The following REPS1 variants were observed in gnomAD, a reference collection of about 807,000 sequenced individuals.
REPS1 encodes RALBP1 associated Eps domain containing 1.
A neutral mutation model predicts 100.9 loss-of-function variants in REPS1; 39 were observed. The observed-to-expected ratio is 0.39, with a 90% CI of 0.30 to 0.50. REPS1 has a LOEUF of 0.50. Ranked by LOEUF, REPS1 falls within the 20% of genes least tolerant of loss-of-function variation. The pLI is 0.86. For synonymous variants in REPS1, 324 were observed against 340.3 expected, an observed-to-expected ratio of 0.95 and a Z score of 0.53; for missense variants, 821 against 968.5, an observed-to-expected ratio of 0.85 and a Z score of 2.02.
At chr6:138,956,014 T>G (rs575714802) in intron 1 of REPS1, among the ~76,000 whole-genome samples, 1 of 152,192 alleles carries the variant, frequency 6.6e-6, no homozygotes, top group African/African-American at 2.4e-5. Flanking sequence ...TAAGTTATTT[T>G]TGAAAACCAC....
rs762516537 is a variant in REPS1 at position 138,907,619 on chromosome 6, CA to C, written c.2217-20del. The C allele has an allele frequency of 5.6e-6, 8 of 1,423,424 alleles. No homozygotes were observed. The highest frequency in any genetic ancestry group is 1.7e-5 in the Admixed American group (1 of 57,510). The allele number at this position is 1,423,424 out of a possible 1,614,324, so 88.2% of individuals were successfully genotyped here. ...AACAGATCTGAGAAGATAAAGAAGG[CA>C]AAAAAACCCATAACCTTCATTTCTT... is the stretch of plus-strand genomic sequence containing the variant. On this transcript the variant is annotated intron_variant, in intron 18 of 19. Transcript: ENST00000450536.
In REPS1 at chr6:138,912,790, G is replaced by A; in HGVS notation, c.1946C>T (p.Ala649Val). ...CGGCAGGACTTCTGGATGTTTCTCGGCTTCATCATCTTGTTCGTCGTTTAC... is the reference window on the plus strand; with the variant it reads ...CGGCAGGACTTCTGGATGTTTCTCGACTTCATCATCTTGTTCGTCGTTTAC... ...SNVNDEQDDEAEKHPEVLPAE... is the reference protein window; with the variant it reads ...SNVNDEQDDEVEKHPEVLPAE... Residue 649 changes from alanine to valine, a missense_variant, in exon 16 of 20, where the codon GCC becomes GTC. Transcript: ENST00000450536. The A allele has an allele frequency of 6.2e-7, 1 of 1,614,146 alleles. No individual in the cohort carries two copies. The highest frequency in any genetic ancestry group is 2.2e-5 in the East Asian group (1 of 44,876).
At chr6:138,972,572 A>G (rs1582851526) in intron 1 of REPS1, among the ~76,000 whole-genome samples, 1 of 152,048 alleles carries the variant, frequency 6.6e-6, no homozygotes, top group Admixed American at 6.6e-5. Context: ...TTTAGACTAC[A>G]TGCTTGTCTA....
chr6:138,976,305 A>T (rs1784601326), intron 1 of REPS1, among the ~76,000 whole-genome samples: 1 of 151,700 alleles, frequency 6.6e-6, no homozygotes, highest in Non-Finnish European at 1.5e-5. Flanking sequence ...ACTTCATGCA[A>T]TTTTTTTTTC....
At chr6:138,921,976 A>AGTGTGTGTGTGTGTGTGTGTGTGT (rs71895504) in intron 10 of REPS1, among the ~76,000 whole-genome samples, 77 of 148,608 alleles carry the variant, frequency 5.2e-4, no homozygotes, top group South Asian at 1.5e-3. Flanking sequence ...CATCTCAAAA[A>AGTGTGTGTGTGTGTGTGTGTGTGT]GTGTGTGTGT....
intron 8 of REPS1, among the ~76,000 whole-genome samples, chr6:138,939,115 G>T (rs1782058418): frequency 6.6e-6 from 1 of 152,134 alleles, no homozygotes. Flanking sequence ...TCAGGTTTAT[G>T]ATAGGTGGAA....
intron 1 of REPS1, among the ~76,000 whole-genome samples, chr6:138,970,310 A>G (rs1393914840): frequency 3.3e-5 from 5 of 152,162 alleles, no homozygotes; most frequent in Non-Finnish European, 7.3e-5. Context: ...TAGGAAGACA[A>G]TCAGGACGTT....
At chr6:138,908,242 C>T (rs1779789555) in intron 18 of REPS1, among the ~76,000 whole-genome samples, 1 of 152,142 alleles carries the variant, frequency 6.6e-6, no homozygotes, top group Non-Finnish European at 1.5e-5. Context: ...CATGAGGAGG[C>T]TCTGCTCAAT....
intron 1 of REPS1, among the ~76,000 whole-genome samples, chr6:138,965,252 T>C (rs1004104398): frequency 4.0e-5 from 6 of 151,682 alleles, no homozygotes; most frequent in African/African-American, 1.2e-4. Context: ...ATGTGAAAAA[T>C]AGTATGACTA....
At chr6:138,956,110 C>T (rs1004771042) in intron 1 of REPS1, among the ~76,000 whole-genome samples, 8 of 152,054 alleles carry the variant, frequency 5.3e-5, no homozygotes, top group African/African-American at 1.7e-4. Context: ...AAATATAGGA[C>T]GCTCTCATGT....
chr6:138,920,483 T>C (rs917217313), intron 11 of REPS1, among the ~76,000 whole-genome samples, 167 bp from the exon 12 acceptor site: 1 of 151,850 alleles, frequency 6.6e-6, no homozygotes, highest in Non-Finnish European at 1.5e-5. Context: ...TAAAACTGTT[T>C]ATTTATAATT....
chr6:138,941,593 T>C (rs1582787171), intron 7 of REPS1, 104 bp from the exon 8 acceptor site: 2 of 1,078,116 alleles, frequency 1.9e-6, no homozygotes, highest in South Asian at 3.0e-5. Flanking sequence ...GTGCAAGAAC[T>C]CAGTAATTAT....
chr6:138,977,767 G>C (rs770119322), intron 1 of REPS1, among the ~76,000 whole-genome samples: 30 of 152,178 alleles, frequency 2.0e-4, no homozygotes, highest in Non-Finnish European at 3.5e-4. Flanking sequence ...AGATTCCTAA[G>C]AGTGGAACTG....
chr6:138,972,297 T>C (rs111676410), intron 1 of REPS1, among the ~76,000 whole-genome samples: 6 of 152,036 alleles, frequency 3.9e-5, no homozygotes, highest in African/African-American at 9.6e-5. Flanking sequence ...TAAAAAAGAA[T>C]AGATAAAGAA....
chr6:138,937,723 T>C (rs544729127), intron 8 of REPS1, among the ~76,000 whole-genome samples: 2 of 152,280 alleles, frequency 1.3e-5, no homozygotes, highest in African/African-American at 2.4e-5. Context: ...GGTGTAAAGG[T>C]AGAAAACAGT....
intron 1 of REPS1, among the ~76,000 whole-genome samples, chr6:138,963,111 ATAAC>A (rs201058490): frequency 0.089 from 11,463 of 128,996 alleles, 868 homozygotes; most frequent in African/African-American, 0.25. Flanking sequence ...CTATCTCGAA[ATAAC>A]TAACTAACTA....
chr6:138,982,068 AG>A (rs1784987116), intron 1 of REPS1, among the ~76,000 whole-genome samples: 1 of 152,230 alleles, frequency 6.6e-6, no homozygotes, highest in Non-Finnish European at 1.5e-5. Context: ...GATTATGGCA[AG>A]ATTATTTCTG....
intron 1 of REPS1, among the ~76,000 whole-genome samples, chr6:138,950,485 C>A (rs371372919): frequency 6.6e-6 from 1 of 150,728 alleles, no homozygotes; most frequent in Non-Finnish European, 1.5e-5. Flanking sequence ...TGTCTCCCCC[C>A]GCAAAAAAAA....
intron 11 of REPS1, among the ~76,000 whole-genome samples, 190 bp from the exon 12 acceptor site, chr6:138,920,506 A>G (rs1780685878): frequency 6.6e-6 from 1 of 152,254 alleles, no homozygotes; most frequent in Non-Finnish European, 1.5e-5. Context: ...ATTTTCTGCC[A>G]TAATAGAAGA....
Sources: gnomAD v4.1 joint callset for allele counts (sites outside exome capture counted in the v4.1 genomes callset) on GRCh38, gnomAD v4.1.1 for gene constraint, MANE v1.5 for transcripts, NCBI Gene and HGNC (gene_info 2026-07-23, HGNC 2026-07-21) for gene names.